ARFGEF2: variants seen among roughly 807,000 people sequenced by gnomAD.
ARFGEF2 encodes the protein brefeldin A-inhibited guanine nucleotide-exchange protein 2.
In ARFGEF2, 74 loss-of-function variants were observed where a neutral mutation model predicts 219.9. The ratio of observed to expected loss-of-function variants is 0.34; its 90% confidence interval spans 0.28 to 0.41. The LOEUF is 0.41. Among genes scored for constraint, ARFGEF2 ranks in the 10% least tolerant of loss-of-function variants. ARFGEF2 has a pLI of 1.00. For synonymous variants in ARFGEF2, 733 were observed against 799.2 expected (o/e 0.92, Z 1.40); for missense variants, 1,743 against 2,218.3 (o/e 0.79, Z 4.30).
Position 49,034,816 on chromosome 20 carries a change from G to A in ARFGEF2, c.*1617G>A, listed in dbSNP as rs775504288. The A allele has an allele frequency of 1.3e-5, 2 of 152,086 alleles. No individual in the cohort carries two copies. The highest frequency in any genetic ancestry group is 2.9e-5 in the Non-Finnish European group (2 of 68,000). 9.4% of individuals were successfully genotyped at this position (152,086 alleles called of 1,614,324 possible). The stretch of plus-strand genomic sequence containing the variant: ...ACAGCCTTGAGAAATGTTTGGTTTT[G>A]GCCAGCAGAATTCTTGTCTACTTTT... On this transcript the variant is annotated 3_prime_UTR_variant, in exon 39 of 39. Coordinates refer to ENST00000371917, the MANE Select transcript of ARFGEF2 (RefSeq NM_006420.3).
intron 14 of ARFGEF2, among the ~76,000 whole-genome samples, chr20:48,982,248 G>C (rs2091300506): frequency 6.6e-6 from 1 of 152,198 alleles, no homozygotes; most frequent in Non-Finnish European, 1.5e-5. Flanking sequence ...TCCCTCAGCT[G>C]CAGGTCTGTG....
chr20:48,983,003 C>T (rs2091306371), intron 14 of ARFGEF2, among the ~76,000 whole-genome samples: 1 of 152,210 alleles, frequency 6.6e-6, no homozygotes, highest in Non-Finnish European at 1.5e-5. Flanking sequence ...TGGGCTGCAC[C>T]CACTGTCCAA....
At chr20:49,015,667 T>C (rs527707543) in intron 30 of ARFGEF2, among the ~76,000 whole-genome samples, 1 of 152,344 alleles carries the variant, frequency 6.6e-6, no homozygotes, top group Non-Finnish European at 1.5e-5. Context: ...TCTGTAGCCA[T>C]TTACACTTCT....
intron 7 of ARFGEF2, among the ~76,000 whole-genome samples, chr20:48,964,850 AAGAG>A (rs1268908693): frequency 6.6e-6 from 1 of 152,202 alleles, no homozygotes; most frequent in African/African-American, 2.4e-5. Context: ...TTTTAAATGA[AAGAG>A]AGTAAAATGA....
In ARFGEF2 at chr20:49,027,886, G is replaced by GAAAGCTAA. The variant is rs1467928274; in HGVS notation, c.4925-644_4925-643insAAAGCTAA. ...CTCATGTCTGTAATCCCATTCCTTTGGAAAGCTAAGACAGGAGGATTGCTT... is the reference window on the plus strand; with the variant it reads ...CTCATGTCTGTAATCCCATTCCTTTGAAAGCTAAGAAAGCTAAGACAGGAGGATTGCTT... On this transcript the variant is annotated intron_variant, in intron 36 of 38. Coordinates refer to ENST00000371917, the MANE Select transcript of ARFGEF2 (RefSeq NM_006420.3). Among the ~76,000 whole-genome samples the GAAAGCTAA allele has an allele frequency of 3.3e-5, 5 of 152,204 alleles. No individual in the cohort carries two copies. The South Asian group carries it at 6.2e-4, about 19-fold the overall frequency.
chr20:48,965,759 AG>A, intron 7 of ARFGEF2, 112 bp from the exon 8 acceptor site: 1 of 1,293,376 alleles, frequency 7.7e-7, no homozygotes. Flanking sequence ...GCACAGGAAA[AG>A]GGGAAAAAGC....
At chr20:48,979,946 T>G (rs972372386) in intron 14 of ARFGEF2, among the ~76,000 whole-genome samples, 1 of 87,688 alleles carries the variant, frequency 1.1e-5, no homozygotes, top group Admixed American at 1.6e-4. Flanking sequence ...GATTCGTTGA[T>G]TTTTTTTTGA....
chr20:48,922,895 C>G (rs1411742116), intron 1 of ARFGEF2, among the ~76,000 whole-genome samples: 1 of 151,972 alleles, frequency 6.6e-6, no homozygotes, highest in Non-Finnish European at 1.5e-5. Flanking sequence ...AGCTTATACT[C>G]GAATAGAGGA....
intron 3 of ARFGEF2, among the ~76,000 whole-genome samples, chr20:48,946,830 C>T (rs1037120906): frequency 6.6e-6 from 1 of 151,238 alleles, no homozygotes; most frequent in Admixed American, 6.6e-5. Flanking sequence ...GAGACAGGGT[C>T]TCACTCTGTT....
intron 1 of ARFGEF2, among the ~76,000 whole-genome samples, chr20:48,937,658 A>G (rs1197723432): frequency 6.6e-6 from 1 of 152,228 alleles, no homozygotes; most frequent in Non-Finnish European, 1.5e-5. Flanking sequence ...ATCTGTGAAC[A>G]TAGGATTTGC....
chr20:48,943,066 G>C (rs1490576767), intron 3 of ARFGEF2, among the ~76,000 whole-genome samples: 1 of 152,024 alleles, frequency 6.6e-6, no homozygotes, highest in South Asian at 2.1e-4. Flanking sequence ...GCACACCCTC[G>C]GGGTCCATTG....
chr20:48,994,302 C>G, intron 21 of ARFGEF2, 149 bp from the exon 22 acceptor site: 1 of 942,440 alleles, frequency 1.1e-6, no homozygotes, highest in South Asian at 1.4e-5. Context: ...CTTTTTCTCT[C>G]TTTATTGAGA....
At position 49,018,771 on chromosome 20, in the gene ARFGEF2, C is replaced by T. The variant is rs2091546017; in HGVS notation, c.4510-113C>T. The T allele has an allele frequency of 3.8e-6, 3 of 785,480 alleles. No homozygotes were observed. The Admixed American group carries it at 5.8e-5, about 15-fold the overall frequency. The allele number at this position is 785,480 out of a possible 1,614,324, so 48.7% of individuals were successfully genotyped here. ...GCATGTAGTATCATTTTATTTTGAG[C>T]TAAGCAAGGCACTTAAATACAGGCT... is the stretch of plus-strand genomic sequence containing the variant. On this transcript the variant is annotated intron_variant, in intron 33 of 38. Transcript: ENST00000371917.
At position 49,010,400 on chromosome 20, in the gene ARFGEF2, T is replaced by G; in HGVS notation, c.3753T>G (p.Ile1251Met). 1 of 1,613,748 alleles carries G rather than the reference T, an allele frequency of 6.2e-7. No homozygotes were observed. Among genetic ancestry groups the G allele is most frequent in the Non-Finnish European group, 8.5e-7 (1 of 1,180,026 alleles). The stretch of plus-strand genomic sequence containing the variant: ...TGGCCTTCCAGACCACTTGCCACAT[T>G]GTCAGTAAGTGGCTCTGTTCCCTCC... ...VELAFQTTCHIVTTIFQHHFP... is the reference protein window; with the variant it reads ...VELAFQTTCHMVTTIFQHHFP... Residue 1251 changes from isoleucine (I) to methionine (M), a missense_variant, in exon 27 of 39, where the codon ATT (isoleucine) becomes ATG (methionine). Transcript: ENST00000371917.
chr20:48,935,670 C>T (rs1441859098), intron 1 of ARFGEF2, among the ~76,000 whole-genome samples: 1 of 151,710 alleles, frequency 6.6e-6, no homozygotes, highest in African/African-American at 2.4e-5. Context: ...GTAGGGGCGG[C>T]CGGGCAGAGG....
intron 34 of ARFGEF2, among the ~76,000 whole-genome samples, chr20:49,022,395 C>A (rs968931307): frequency 6.6e-6 from 1 of 150,568 alleles, no homozygotes; most frequent in Non-Finnish European, 1.5e-5. Flanking sequence ...ATGAGGAAAT[C>A]CCATCTCTAT....
intron 21 of ARFGEF2, among the ~76,000 whole-genome samples, chr20:48,993,760 G>T (rs1048590): frequency 0.36 from 54,889 of 151,924 alleles, 10,752 homozygotes; most frequent in African/African-American, 0.53. Context: ...CACCCCTCAG[G>T]ACCAGGAGAT....
intron 33 of ARFGEF2, among the ~76,000 whole-genome samples, chr20:49,017,936 G>A (rs1039218739): frequency 6.6e-6 from 1 of 152,056 alleles, no homozygotes; most frequent in Non-Finnish European, 1.5e-5. Context: ...CTCCCTTATC[G>A]GACTCTCAGG....
intron 6 of ARFGEF2, among the ~76,000 whole-genome samples, chr20:48,958,475 C>T (rs977779366): frequency 2.0e-5 from 3 of 149,920 alleles, no homozygotes; most frequent in Non-Finnish European, 4.4e-5. Context: ...CTCGCTCTGT[C>T]GCCCAGGCTG....
Sources: gnomAD v4.1 joint callset for allele counts (sites outside exome capture counted in the v4.1 genomes callset) on GRCh38, gnomAD v4.1.1 for gene constraint, MANE v1.5 for transcripts, NCBI Gene and HGNC (gene_info 2026-07-23, HGNC 2026-07-21) for gene names.